NTRK3: variants seen among roughly 807,000 people sequenced by gnomAD.
The protein encoded by NTRK3 is NT-3 growth factor receptor.
A neutral mutation model predicts 91.7 loss-of-function variants in NTRK3; 24 were observed. That is an observed-to-expected ratio of 0.26 (90% CI 0.19 to 0.37). The LOEUF is 0.37. NTRK3 is among the 10% of genes least tolerant of loss of function. The pLI, the probability that NTRK3 is intolerant of heterozygous loss-of-function variation, is 1.00. For missense variants in NTRK3, 880 were observed against 1,068.9 expected, an observed-to-expected ratio of 0.82 and a Z score of 2.46; for synonymous variants, 483 against 404.0, an observed-to-expected ratio of 1.20 and a Z score of -2.34.
At chr15:88,067,481 CA>C (rs1378802837) in intron 13 of NTRK3, among the ~76,000 whole-genome samples, 2 of 152,108 alleles carry the variant, frequency 1.3e-5, no homozygotes, top group Admixed American at 1.3e-4. Flanking sequence ...GGACAGTTCC[CA>C]GGGGGATGGG....
chr15:88,006,502 T>C (rs767719749), intron 14 of NTRK3, among the ~76,000 whole-genome samples: 9 of 152,200 alleles, frequency 5.9e-5, no homozygotes, highest in African/African-American at 1.9e-4. Context: ...TGCTGGTGGC[T>C]GGTGGCAGCC....
At chr15:88,090,112 C>A (rs941164291) in intron 13 of NTRK3, among the ~76,000 whole-genome samples, 7 of 152,146 alleles carry the variant, frequency 4.6e-5, no homozygotes, top group Admixed American at 2.0e-4. Flanking sequence ...GGCTTGCACT[C>A]ATTCAAGTAG....
chr15:88,171,126 G>A (rs2045474572), intron 5 of NTRK3, among the ~76,000 whole-genome samples: 1 of 152,184 alleles, frequency 6.6e-6, no homozygotes, highest in African/African-American at 2.4e-5. Flanking sequence ...ACAGCTGTCG[G>A]AGGAAGGGAG....
intron 13 of NTRK3, among the ~76,000 whole-genome samples, chr15:88,123,348 C>T (rs1333358276): frequency 2.6e-5 from 4 of 152,160 alleles, no homozygotes; most frequent in Non-Finnish European, 5.9e-5. Flanking sequence ...AAATTCAAAA[C>T]TGAGACTGGG....
At chr15:87,939,080 T>C (rs1265216330) in intron 15 of NTRK3, among the ~76,000 whole-genome samples, 1 of 152,174 alleles carries the variant, frequency 6.6e-6, no homozygotes, top group African/African-American at 2.4e-5. Context: ...AGAGTTGCAA[T>C]GGAGAGTTAT....
intron 13 of NTRK3, among the ~76,000 whole-genome samples, chr15:88,090,393 G>T (rs1179935636): frequency 6.9e-6 from 1 of 145,790 alleles, no homozygotes; most frequent in African/African-American, 2.7e-5. Flanking sequence ...GAAGGAAGGA[G>T]AAAAGGAATG....
intron 17 of NTRK3, among the ~76,000 whole-genome samples, chr15:87,926,197 T>C (rs952988019): frequency 4.6e-5 from 7 of 152,204 alleles, no homozygotes; most frequent in Non-Finnish European, 5.9e-5. Context: ...ATAATAAGAC[T>C]TCAGGGTTCA....
intron 5 of NTRK3, among the ~76,000 whole-genome samples, chr15:88,153,719 A>T (rs1000190072): frequency 2.0e-5 from 3 of 152,048 alleles, no homozygotes; most frequent in Middle Eastern, 3.4e-3. Flanking sequence ...AGATTCAAGG[A>T]TCCACCTCCT....
At chr15:88,011,000 TA>T (rs201023403) in intron 14 of NTRK3, among the ~76,000 whole-genome samples, 9 of 151,918 alleles carry the variant, frequency 5.9e-5, no homozygotes, top group East Asian at 3.9e-4. Flanking sequence ...CATGAAGGGA[TA>T]AAAAAAAATC....
At chr15:87,876,632 G>A (rs1425190830) in exon 19 of NTRK3, 1 of 215,838 alleles carries the variant, frequency 4.6e-6, no homozygotes, top group South Asian at 1.8e-4. Context: ...TTAAAGTCTT[G>A]TGGTTTTCTG....
At chr15:87,896,086 C>T (rs1023425625) in intron 17 of NTRK3, among the ~76,000 whole-genome samples, 5 of 152,142 alleles carry the variant, frequency 3.3e-5, no homozygotes, top group Admixed American at 2.6e-4. Flanking sequence ...AGAGGTACCC[C>T]GACCACATTG....
At chr15:88,108,995 CCTCA>C (rs1451124970) in intron 13 of NTRK3, among the ~76,000 whole-genome samples, 1 of 152,190 alleles carries the variant, frequency 6.6e-6, no homozygotes, top group Non-Finnish European at 1.5e-5. Context: ...CCCATCCACC[CCTCA>C]CTATTTTCCA....
At chr15:88,066,439 GAC>G (rs1249085393) in intron 13 of NTRK3, among the ~76,000 whole-genome samples, 3 of 152,168 alleles carry the variant, frequency 2.0e-5, no homozygotes, top group Non-Finnish European at 4.4e-5. Context: ...TAGAGAAATG[GAC>G]ACACAGCCCT....
intron 13 of NTRK3, among the ~76,000 whole-genome samples, chr15:88,051,008 C>A (rs1257021210): frequency 6.6e-6 from 1 of 152,202 alleles, no homozygotes; most frequent in African/African-American, 2.4e-5. Context: ...CTCTCTAATA[C>A]CATTTAGGTG....
At chr15:88,078,010 T>C (rs1241274318) in intron 13 of NTRK3, among the ~76,000 whole-genome samples, 1 of 152,032 alleles carries the variant, frequency 6.6e-6, no homozygotes, top group African/African-American at 2.4e-5. Context: ...GCAGCTCCCA[T>C]TGGTTTGAGA....
chr15:88,024,995 G>A lies in NTRK3; in HGVS notation c.1585+7862C>T, dbSNP rs536848520. Among the ~76,000 whole-genome samples, 176 of 152,268 alleles carry A rather than the reference G, an allele frequency of 1.2e-3. 3 individuals carry two copies. The highest frequency in any genetic ancestry group is 0.011 in the Admixed American group (162 of 15,300). On this transcript the variant is annotated intron_variant, in intron 14 of 18. Transcript: ENST00000394480. ...AAGAATTACACAGTCATCAGTTACC[G>A]GTATACTTTAGAGCAGAAGAGAGAA... is the stretch of plus-strand genomic sequence containing the variant.
At chr15:87,974,002 A>G (rs1273957292) in intron 14 of NTRK3, among the ~76,000 whole-genome samples, 1 of 152,148 alleles carries the variant, frequency 6.6e-6, no homozygotes, top group Non-Finnish European at 1.5e-5. Flanking sequence ...CTACACAACA[A>G]TGAAGTCGTC....
At chr15:87,993,152 G>C (rs2075416189) in intron 14 of NTRK3, among the ~76,000 whole-genome samples, 1 of 152,172 alleles carries the variant, frequency 6.6e-6, no homozygotes, top group South Asian at 2.1e-4. Context: ...ACATCTTCAA[G>C]TCCCAACTGC....
intron 13 of NTRK3, among the ~76,000 whole-genome samples, chr15:88,115,810 G>A (rs1295801360): frequency 6.6e-6 from 1 of 152,152 alleles, no homozygotes; most frequent in African/African-American, 2.4e-5. Context: ...CAGTGTCTCT[G>A]AGGCCGGCGG....
Sources: allele counts gnomAD v4.1 joint callset (sites outside exome capture counted in the v4.1 genomes callset), GRCh38; gene constraint gnomAD v4.1.1; transcripts MANE v1.5; gene names NCBI Gene and HGNC (gene_info 2026-07-23, HGNC 2026-07-21).